Variants in ANKFY1 observed in about 807,000 individuals in gnomAD.
The protein encoded by ANKFY1 is ankyrin repeat and FYVE domain containing 1.
Under a neutral mutation model 128.3 loss-of-function variants are expected in ANKFY1, and 47 were observed. That is an observed-to-expected ratio of 0.37 (90% CI 0.29 to 0.47). The LOEUF (loss-of-function observed/expected upper bound fraction) is 0.47, where lower values mean the gene tolerates loss of function less well. ANKFY1 is among the 20% of genes least tolerant of loss of function. The pLI, the probability that ANKFY1 is intolerant of heterozygous loss-of-function variation, is 1.00. For missense variants in ANKFY1, 1,222 were observed against 1,510.6 expected (o/e 0.81, Z 3.17); for synonymous variants, 553 against 601.6 (o/e 0.92, Z 1.18).
intron 3 of ANKFY1, chr17:4,222,625 T>C (rs774714811): frequency 9.6e-6 from 10 of 1,037,042 alleles, no homozygotes; most frequent in Middle Eastern, 2.1e-4. Context: ...TTCAAAGAAT[T>C]TTACCGTCTT....
rs1598035348 is a variant in ANKFY1, at chr17:4,187,166, C to CCA, written c.1471-2122_1471-2121dup. 1.6e-5 allele frequency: 8 copies of CCA among 494,924 alleles called. No individual in the cohort carries two copies. The East Asian group carries it at 2.8e-4, about 17-fold the overall frequency. 30.7% of individuals were successfully genotyped at this position (494,924 alleles called of 1,614,324 possible). A position where few individuals can be genotyped will look rare whatever the true frequency, so the allele number is the denominator to read the frequency against. ...CCCACCGCCCTCCCAAGCTTCCCCT[C>CCA]CAAGTTCCCAAATTCCATTACGTCA... On this transcript the variant is annotated intron_variant, in intron 11 of 24. Transcript: ENST00000341657.
intron 1 of ANKFY1, among the ~76,000 whole-genome samples, chr17:4,249,834 T>C (rs889334095): frequency 6.6e-6 from 1 of 152,102 alleles, no homozygotes; most frequent in Non-Finnish European, 1.5e-5. Flanking sequence ...TCTCCACCCA[T>C]TTCTTAAGAG....
intron 1 of ANKFY1, among the ~76,000 whole-genome samples, chr17:4,255,205 C>G (rs1598156233): frequency 2.0e-5 from 3 of 151,442 alleles, no homozygotes; most frequent in African/African-American, 7.3e-5. Flanking sequence ...CTATTCTAGC[C>G]AAAACTTTAG....
At position 4,181,421 on chromosome 17, in the gene ANKFY1, C is replaced by T. The variant is rs1383295418; in HGVS notation, c.2122-49G>A. On this transcript the variant is annotated intron_variant, in intron 15 of 24. Transcript: ENST00000341657. This position sits in a 1 kb window ranked among gnomAD's most constrained non-coding sequence, Gnocchi z 4.9. The stretch of plus-strand genomic sequence containing the variant: ...ACAAACACTGCTGAGCAAAGGCAAA[C>T]AGTTTTATTACCAAGTCTGAGCTCT... 5 of 1,357,844 alleles carry T rather than the reference C, an allele frequency of 3.7e-6. No homozygotes were observed. In the Admixed American group the frequency reaches 6.7e-5, roughly 18 times the overall value. The allele number at this position is 1,357,844 out of a possible 1,614,324, so 84.1% of individuals were successfully genotyped here.
intron 7 of ANKFY1, among the ~76,000 whole-genome samples, chr17:4,200,064 T>TTC (rs1416048235): frequency 2.9e-5 from 1 of 34,740 alleles, no homozygotes; most frequent in East Asian, 2.9e-3. Context: ...GTTTTGGGGA[T>TTC]TTTTTTTTTG....
rs776451388 is a variant in ANKFY1 at position 4,173,422 on chromosome 17, G to A, written c.2946C>T (p.His982=). The A allele has an allele frequency of 1.3e-5, 21 of 1,614,144 alleles. No individual in the cohort carries two copies. Among genetic ancestry groups the A allele is most frequent in the South Asian group, 4.4e-5 (4 of 91,086 alleles). The change falls in exon 21 of 25, where the codon CAC becomes CAT. Residue 982 remains histidine, a synonymous_variant. Transcript: ENST00000341657. The part of the protein sequence containing the change: ...GNNALHLAVM[H]GRLNNIRVLL... ...GAACCCGGATGTTGTTGAGCCGGCC[G>A]TGCATGACAGCAAGATGAAGAGCTG...
At chr17:4,182,117 A>C in intron 15 of ANKFY1, 64 bp downstream of exon 15, 1 of 1,353,716 alleles carries the variant, frequency 7.4e-7, no homozygotes, top group Non-Finnish European at 9.7e-7. Flanking sequence ...CGCAGGCAGC[A>C]GATCCATCTC....
chr17:4,216,895 G>C (rs1283242821), intron 4 of ANKFY1, 88 bp downstream of exon 4: 3 of 1,563,498 alleles, frequency 1.9e-6, no homozygotes, highest in Non-Finnish European at 2.6e-6. Context: ...ATTTACATTA[G>C]CAGAAGAAGC....
chr17:4,235,907 T>G lies in ANKFY1; in HGVS notation c.204-17A>C, dbSNP rs1393409736. 6.4e-7 allele frequency: 1 copy of G among 1,562,674 alleles called. No homozygotes were observed. ...TTCAGATCGCTGATGAAGAAAAAGA[T>G]CCACATATATTAGAAAAATGTCATC... On this transcript the variant is annotated splice_polypyrimidine_tract_variant and intron_variant, in intron 2 of 24. Coordinates refer to ENST00000341657, the MANE Select transcript of ANKFY1 (RefSeq NM_001330063.2).
intron 1 of ANKFY1, among the ~76,000 whole-genome samples, chr17:4,260,817 G>A (rs1247977584): frequency 6.6e-6 from 1 of 152,070 alleles, no homozygotes; most frequent in African/African-American, 2.4e-5. Flanking sequence ...TGTATCCTCA[G>A]TCTCTCACGA....
At position 4,170,700 on chromosome 17, in the gene ANKFY1, G is replaced by C; in HGVS notation, c.3286+15C>G. ...ACTGTGCTTGCACTGTGAGAGCAGA[G>C]AGCGGGCCACTCACCCAGCAGTCGG... On this transcript the variant is annotated intron_variant, in intron 23 of 24. Coordinates refer to ENST00000341657, the MANE Select transcript of ANKFY1 (RefSeq NM_001330063.2). 2.5e-6 allele frequency: 4 copies of C among 1,600,412 alleles called. No homozygotes were observed. Among genetic ancestry groups the C allele is most frequent in the Non-Finnish European group, 2.6e-6 (3 of 1,172,868 alleles).
chr17:4,263,356 C>CT (rs1968523639), intron 1 of ANKFY1, among the ~76,000 whole-genome samples: 1 of 152,190 alleles, frequency 6.6e-6, no homozygotes, highest in African/African-American at 2.4e-5. Flanking sequence ...CCGCAAACCC[C>CT]TTCCTCCCGT....
intron 1 of ANKFY1, among the ~76,000 whole-genome samples, chr17:4,252,597 G>A (rs1311759598): frequency 6.6e-6 from 1 of 152,124 alleles, no homozygotes; most frequent in African/African-American, 2.4e-5. Flanking sequence ...GAAGCTAGAA[G>A]CCTGATACAT....
chr17:4,182,450 T>G, intron 14 of ANKFY1, 101 bp from the exon 15 acceptor site: 1 of 832,238 alleles, frequency 1.2e-6, no homozygotes, highest in Non-Finnish European at 1.8e-6. Flanking sequence ...CTGTCTCTAA[T>G]CATATTCACT....
chr17:4,202,981 C>CATAT (rs56774221), intron 7 of ANKFY1, among the ~76,000 whole-genome samples: 23,344 of 146,092 alleles, frequency 0.16, 2,240 homozygotes, highest in Non-Finnish European at 0.22. Context: ...TAATCATACA[C>CATAT]ATATATATAT....
chr17:4,220,279 T>G (rs1437417858), intron 3 of ANKFY1, among the ~76,000 whole-genome samples: 1 of 152,172 alleles, frequency 6.6e-6, no homozygotes, highest in African/African-American at 2.4e-5. Flanking sequence ...TAAGCAGGCT[T>G]TGTAAATTGG....
In ANKFY1 at chr17:4,169,170, C is replaced by A. The variant is rs1478331961; in HGVS notation, c.3377+28G>T. 2.6e-5 allele frequency: 40 copies of A among 1,537,750 alleles called. No individual in the cohort carries two copies. The highest frequency in any genetic ancestry group is 3.4e-5 in the Non-Finnish European group (39 of 1,134,708). ...AATGACATCAGCGGCAGTCCCCTCG[C>A]TCCTTGCCAGTGACGCTGGGGTCTT... On this transcript the variant is annotated intron_variant, in intron 24 of 24. Transcript: ENST00000341657. The surrounding 1 kb of genome is among the most constrained non-coding windows in gnomAD (Gnocchi z 5.0).
intron 3 of ANKFY1, among the ~76,000 whole-genome samples, chr17:4,224,291 C>T (rs1260647649): frequency 9.6e-5 from 13 of 136,046 alleles, no homozygotes; most frequent in East Asian, 2.3e-4. Context: ...GGCGCGATCT[C>T]GGCTCACTGC....
chr17:4,167,731 T>C lies in ANKFY1; in HGVS notation c.*48A>G. On this transcript the variant is annotated 3_prime_UTR_variant, in exon 25 of 25. Transcript: ENST00000341657. The surrounding 1 kb of genome is among the most constrained non-coding windows in gnomAD (Gnocchi z 4.1). ...GGGTCAGGCTGGTGAGCAGAGCAGC[T>C]GCTGGGGAGGTGACCAAGGACGTGG... 3.8e-6 allele frequency: 6 copies of C among 1,565,290 alleles called. No individual in the cohort carries two copies. Among genetic ancestry groups the C allele is most frequent in the Non-Finnish European group, 4.3e-6 (5 of 1,152,432 alleles).
Sources: gnomAD v4.1 joint callset for allele counts (sites outside exome capture counted in the v4.1 genomes callset) on GRCh38, gnomAD v4.1.1 for gene constraint, Gnocchi (gnomAD v3.1) non-coding constraint, MANE v1.5 for transcripts, NCBI Gene and HGNC (gene_info 2026-07-23, HGNC 2026-07-21) for gene names.